The following FHDC1 variants were observed in gnomAD, a reference collection of about 807,000 sequenced individuals.
FHDC1 encodes the protein FH2 domain containing 1, also known as FH2 domain-containing protein 1.
Under a neutral mutation model 52.6 loss-of-function variants are expected in FHDC1, and 25 were observed. The observed-to-expected ratio is 0.48, with a 90% CI of 0.35 to 0.66. FHDC1 has a LOEUF of 0.66. Ranked by LOEUF, FHDC1 falls within the 30% of genes least tolerant of loss-of-function variation. The pLI is 0.01. For synonymous variants in FHDC1, 616 were observed against 581.5 expected (o/e 1.06, Z -0.85); for missense variants, 1,459 against 1,452.8 (o/e 1.00, Z -0.07).
intron 10 of FHDC1, among the ~76,000 whole-genome samples, chr4:152,969,665 GTTT>G (rs535683350): frequency 0.014 from 1,778 of 129,518 alleles, 23 homozygotes; most frequent in Middle Eastern, 0.035. Context: ...TCTGGCAGTC[GTTT>G]TTTTTTTTTT....
intron 4 of FHDC1, among the ~76,000 whole-genome samples, chr4:152,957,706 T>C (rs1331268790): frequency 1.3e-5 from 2 of 152,214 alleles, no homozygotes; most frequent in African/African-American, 2.4e-5. Context: ...AAACAGCCCT[T>C]TTCTCTCCTG....
upstream of FHDC1, among the ~76,000 whole-genome samples, chr4:152,932,989 C>T (rs1231791135): frequency 6.6e-6 from 1 of 152,214 alleles, no homozygotes; most frequent in Non-Finnish European, 1.5e-5. Context: ...GAGGGAAGAG[C>T]AAGCTGCAAA....
intron 1 of FHDC1, among the ~76,000 whole-genome samples, chr4:152,937,538 G>A (rs1739426342): frequency 6.6e-6 from 1 of 151,832 alleles, no homozygotes; most frequent in East Asian, 1.9e-4. Flanking sequence ...GAGCGGGTGC[G>A]GCGGCCGACC....
rs1741013521 is a variant in FHDC1, at chr4:152,979,507, T to G, written c.*2784T>G. On this transcript the variant is annotated 3_prime_UTR_variant, in exon 12 of 12. Coordinates refer to ENST00000511601, the MANE Select transcript of FHDC1 (RefSeq NM_001371116.1). Reference sequence around the variant, plus strand: ...CTGTGTGAGCAGATGATCATTGTATTACCTTTTATCGGTAGTAAGCTTGGA... The same window carrying G: ...CTGTGTGAGCAGATGATCATTGTATGACCTTTTATCGGTAGTAAGCTTGGA... 1 of 152,256 alleles carries G rather than the reference T, an allele frequency of 6.6e-6. No homozygotes were observed. The highest frequency in any genetic ancestry group is 2.4e-5 in the African/African-American group (1 of 41,472). 9.4% of individuals were successfully genotyped at this position (152,256 alleles called of 1,614,324 possible).
At chr4:152,933,460 C>G (rs139753671), upstream of FHDC1, among the ~76,000 whole-genome samples, 2 of 152,014 alleles carry the variant, frequency 1.3e-5, no homozygotes, top group African/African-American at 2.4e-5. Flanking sequence ...GTAGGCCAGG[C>G]GTGGTGGCTT....
chr4:152,947,835 AAGG>A (rs1254722414), intron 2 of FHDC1, among the ~76,000 whole-genome samples: 7 of 148,170 alleles, frequency 4.7e-5, no homozygotes, highest in Non-Finnish European at 1.5e-5. Context: ...AGAGAGAGAG[AAGG>A]GAAGGATGGA....
chr4:152,958,720 C>T (rs1003893560), intron 4 of FHDC1, among the ~76,000 whole-genome samples: 11 of 152,194 alleles, frequency 7.2e-5, no homozygotes, highest in Non-Finnish European at 1.3e-4. Context: ...AATTGTTCAA[C>T]TCTAGCTCAG....
chr4:152,927,920 C>T, the FHDC1 span: 92 of 1,423,728 alleles, frequency 6.5e-5, no homozygotes, highest in Middle Eastern at 4.9e-4. Context: ...AGCTGTGAAG[C>T]GTAAGAGCTC....
chr4:152,931,931 T>G (rs1201086737), upstream of FHDC1, among the ~76,000 whole-genome samples: 1 of 110,870 alleles, frequency 9.0e-6, no homozygotes, highest in Non-Finnish European at 1.7e-5. Flanking sequence ...AGCGAGAACC[T>G]GTCTAAAAAA....
the FHDC1 span, among the ~76,000 whole-genome samples, chr4:152,913,017 A>T: frequency 6.6e-6 from 1 of 152,194 alleles, no homozygotes; most frequent in South Asian, 2.1e-4. Flanking sequence ...TTAACAGATG[A>T]AACTATCAAG....
chr4:152,948,371 A>AC (rs199819329), intron 2 of FHDC1, among the ~76,000 whole-genome samples: 4,090 of 152,362 alleles, frequency 0.027, 96 homozygotes, highest in South Asian at 0.11. Context: ...CATAGGAAGT[A>AC]CTTAAGTAGC....
intron 9 of FHDC1, among the ~76,000 whole-genome samples, chr4:152,967,006 A>G (rs1740483059): frequency 6.6e-6 from 1 of 152,046 alleles, no homozygotes; most frequent in Non-Finnish European, 1.5e-5. Context: ...TGTGATCCCA[A>G]TTACTTGGAA....
At position 152,975,400 on chromosome 4, in the gene FHDC1, G is replaced by A. The variant is rs373464630; in HGVS notation, c.2109G>A (p.Pro703=). The change falls in exon 12 of 12, where the codon CCG becomes CCA. Residue 703 remains proline, a synonymous_variant. Transcript: ENST00000511601. ...AGCTGACTCTGAGTGACTTCAGCCC[G>A]ATGGAGCTAGAGTCTGTGGGGCATA... ...TSQLTLSDFS[P]MELESVGHRG... is the part of the protein sequence containing the mutation. The A allele has an allele frequency of 3.5e-5, 56 of 1,613,516 alleles. 1 individual carries two copies. The highest frequency in any genetic ancestry group is 3.0e-4 in the Admixed American group (18 of 60,012).
At chr4:152,957,172 C>T (rs1217201107) in intron 4 of FHDC1, among the ~76,000 whole-genome samples, 1 of 152,188 alleles carries the variant, frequency 6.6e-6, no homozygotes, top group African/African-American at 2.4e-5. Flanking sequence ...TAAGTGGACA[C>T]ATTACCACGT....
At chr4:152,919,180 G>A in the FHDC1 span, among the ~76,000 whole-genome samples, 1 of 152,264 alleles carries the variant, frequency 6.6e-6, no homozygotes, top group African/African-American at 2.4e-5. Context: ...CACAAGCAAT[G>A]TGAAAATACA....
intron 4 of FHDC1, 139 bp from the exon 5 acceptor site, chr4:152,960,425 CT>C: frequency 2.5e-6 from 2 of 790,192 alleles, no homozygotes. Flanking sequence ...GGAGGATTTC[CT>C]TTTTTGTCTT....
chr4:152,962,829 A>G lies in FHDC1; in HGVS notation c.866A>G (p.Glu289Gly). Residue 289 changes from glutamate (E) to glycine (G), a missense_variant, in exon 7 of 12, where the codon GAA (glutamate) becomes GGA (glycine). This residue lies in a region of FHDC1 where 513 missense variants were observed against 581.5 expected (regional missense o/e 0.88). Transcript: ENST00000511601. ...TTTTTGATAGAACTGATGTCATGTG[A>G]AGAGCTACATTCAATATTACACTTG... ...RTAIKELMSC[E>G]ELHSILHLVL... The G allele has an allele frequency of 6.2e-7, 1 of 1,614,076 alleles. No individual in the cohort carries two copies. Among genetic ancestry groups the G allele is most frequent in the Non-Finnish European group, 8.5e-7 (1 of 1,179,978 alleles).
chr4:152,976,354 A>G lies in FHDC1; in HGVS notation c.3063A>G (p.Ser1021=). The G allele has an allele frequency of 1.2e-6, 2 of 1,613,802 alleles. No individual in the cohort carries two copies. The highest frequency in any genetic ancestry group is 2.7e-5 in the African/African-American group (2 of 75,054). Residue 1021 remains serine (S), a synonymous_variant, in exon 12 of 12, where the codon TCA becomes TCG. Coordinates refer to ENST00000511601, the MANE Select transcript of FHDC1 (RefSeq NM_001371116.1). ...CCAAAGAAGAGCCCAAGACCCCGTC[A>G]GTGCCCAGCGTCCCCCACGAACTAC... ...ESPKEEPKTP[S]VPSVPHELPR...
At chr4:152,964,785 C>A in intron 8 of FHDC1, 120 bp from the exon 9 acceptor site, 1 of 759,036 alleles carries the variant, frequency 1.3e-6, no homozygotes, top group Non-Finnish European at 2.2e-6. Context: ...CAGTGAAATG[C>A]TTTGAATGTG....
Sources: allele counts gnomAD v4.1 joint callset (sites outside exome capture counted in the v4.1 genomes callset), GRCh38; gene constraint gnomAD v4.1.1; regional missense constraint gnomAD v4.1.1; transcripts MANE v1.5; gene names NCBI Gene and HGNC (gene_info 2026-07-23, HGNC 2026-07-21).